NPSR1: variants seen among roughly 807,000 people sequenced by gnomAD.
NPSR1 encodes neuropeptide S receptor.
NPSR1 carries 48 observed loss-of-function variants against 46.9 expected under a neutral mutation model. The ratio of observed to expected loss-of-function variants is 1.02; its 90% CI spans 0.81 to 1.30. The LOEUF (loss-of-function observed/expected upper bound fraction) is 1.30. Ranked by LOEUF, NPSR1 falls within the 50% of genes most tolerant of loss-of-function variation. NPSR1 has a pLI of 0.00. For missense variants in NPSR1, 450 were observed against 449.5 expected (o/e 1.00, Z -0.01); for synonymous variants, 176 against 168.1 (o/e 1.05, Z -0.36).
chr7:34,678,721 G>A (rs1792458007), intron 1 of NPSR1, among the ~76,000 whole-genome samples: 1 of 151,830 alleles, frequency 6.6e-6, no homozygotes, highest in Non-Finnish European at 1.5e-5. Flanking sequence ...ATCTACTCGG[G>A]AGGCTGAGGC....
chr7:34,720,425 A>C (rs966216776), intron 2 of NPSR1, among the ~76,000 whole-genome samples: 2 of 152,190 alleles, frequency 1.3e-5, no homozygotes, highest in Admixed American at 1.3e-4. Flanking sequence ...ACCAGTCTCC[A>C]CTTTCTGGAA....
chr7:34,790,350 T>C (rs1787673535), intron 3 of NPSR1, among the ~76,000 whole-genome samples: 1 of 151,900 alleles, frequency 6.6e-6, no homozygotes, highest in African/African-American at 2.4e-5. Flanking sequence ...CTCAACAAAT[T>C]AGGTACAGAA....
chr7:34,761,811 C>T lies in NPSR1; in HGVS notation c.281-16651C>T, dbSNP rs1009041425. ...GAGTCAGTTTGAGCCCCATGTTGTG[C>T]AATGATCTTGTGCAATGATAATTAC... On this transcript the variant is annotated intron_variant, in intron 2 of 8. Coordinates refer to ENST00000360581, the MANE Select transcript of NPSR1 (RefSeq NM_207172.2). Among the ~76,000 whole-genome samples the T allele has an allele frequency of 3.3e-5, 5 of 152,304 alleles. 1 individual carries two copies. In the South Asian group the frequency reaches 1.0e-3, roughly 32 times the overall value.
intron 4 of NPSR1, among the ~76,000 whole-genome samples, chr7:34,820,663 C>A (rs1049057972): frequency 1.3e-5 from 2 of 152,100 alleles, no homozygotes; most frequent in Admixed American, 1.3e-4. Context: ...CGACATGAAC[C>A]TTCAATCAAA....
In NPSR1 at chr7:34,767,717, G is replaced by T. The variant is rs1786500528; in HGVS notation, c.281-10745G>T. 3.9e-5 allele frequency among the ~76,000 whole-genome samples: 6 copies of T among 152,202 alleles called. No individual in the cohort carries two copies. In the South Asian group the frequency reaches 1.2e-3, roughly 32 times the overall value. On this transcript the variant is annotated intron_variant, in intron 2 of 8. Transcript: ENST00000360581. ...AAAAGAAATCTCTGAATGATAGCTGGAATTCTCCAAAAATAATGAAAGCAT... is the reference window on the plus strand; with the variant it reads ...AAAAGAAATCTCTGAATGATAGCTGTAATTCTCCAAAAATAATGAAAGCAT...
In NPSR1 at chr7:34,677,218, A is replaced by C. The variant is rs10261743; in HGVS notation, c.148-7334A>C. ...CTCTACAAAGATGAAGAAGGCAGCC[A>C]TTTTCTGCCCACTGGGGACCAGAAG... On this transcript the variant is annotated intron_variant, in intron 1 of 8. Coordinates refer to ENST00000360581, the MANE Select transcript of NPSR1 (RefSeq NM_207172.2). Among the ~76,000 whole-genome samples, 637 of 152,276 alleles carry C rather than the reference A, an allele frequency of 4.2e-3. 5 individuals are homozygous for C. Among genetic ancestry groups the C allele is most frequent in the African/African-American group, 0.015 (628 of 41,560 alleles).
intron 2 of NPSR1, among the ~76,000 whole-genome samples, chr7:34,744,285 G>A (rs324400): frequency 0.4 from 61,370 of 151,808 alleles, 13,036 homozygotes; most frequent in African/African-American, 0.53. Context: ...ATCACTACAG[G>A]ATTTTTCTTA....
intron 3 of NPSR1, among the ~76,000 whole-genome samples, chr7:34,785,310 A>T (rs557353758): frequency 6.8e-6 from 1 of 146,568 alleles, no homozygotes; most frequent in African/African-American, 2.5e-5. Context: ...ATGTTATCAC[A>T]CTTAGATGGG....
At position 34,849,851 on chromosome 7, in the gene NPSR1, T is replaced by G; in HGVS notation, c.*196T>G. 7.4e-7 allele frequency: 1 copy of G among 1,343,394 alleles called. No homozygotes were observed. The allele number at this position is 1,343,394 out of a possible 1,614,324, so 83.2% of individuals were successfully genotyped here. A position where few individuals can be genotyped will look rare whatever the true frequency, so the allele number is the denominator to read the frequency against. On this transcript the variant is annotated 3_prime_UTR_variant, in exon 9 of 9. Transcript: ENST00000360581. The stretch of plus-strand genomic sequence containing the variant: ...CCAACACGAACTCCCCAGTTATTCA[T>G]GCCAGCCAGGAAGGAAACGCCTTCC...
At chr7:34,726,700 G>C (rs150374701) in intron 2 of NPSR1, among the ~76,000 whole-genome samples, 6 of 151,880 alleles carry the variant, frequency 4.0e-5, no homozygotes, top group African/African-American at 1.4e-4. Context: ...ATCAAACCAT[G>C]AAGATATGAA....
In NPSR1 at chr7:34,834,404, T is replaced by A; in HGVS notation, c.701T>A (p.Ile234Asn). ...TIISIMYGIV[I>N]RTIWIKSKTY... ...TGCAGCATCATGTATGGCATTGTGATCCGAACTATTTGGATTAAAAGCAAA... is the reference window on the plus strand; with the variant it reads ...TGCAGCATCATGTATGGCATTGTGAACCGAACTATTTGGATTAAAAGCAAA... Residue 234 changes from isoleucine (I) to asparagine (N), a missense_variant, in exon 6 of 9, where the codon ATC becomes AAC. Physicochemically the swap from Ile to Asn is moderately radical, Grantham distance 149. Transcript: ENST00000360581. 1 of 1,613,638 alleles carries A rather than the reference T, an allele frequency of 6.2e-7. No homozygotes were observed. Among genetic ancestry groups the A allele is most frequent in the Non-Finnish European group, 8.5e-7 (1 of 1,179,532 alleles).
intron 2 of NPSR1, chr7:34,750,966 T>C (rs1785490454): frequency 2.6e-6 from 2 of 763,856 alleles, no homozygotes; most frequent in East Asian, 2.6e-5. Flanking sequence ...AAGGAGACTA[T>C]AGATTGCATT....
rs1790820012 is a variant in NPSR1 at position 34,848,512 on chromosome 7, C to T, written c.874C>T (p.Leu292=). The stretch of plus-strand genomic sequence containing the variant: ...CATCTGCTGTTGGAGTCCATACTTC[C>T]TGTTTGACATTTTGGACAATTTCAA... ...AFICCWSPYF[L]FDILDNFNLL... is the part of the protein sequence containing the mutation. The change falls in exon 8 of 9, where the codon CTG becomes TTG. Residue 292 remains leucine, a synonymous_variant. Coordinates refer to ENST00000360581, the MANE Select transcript of NPSR1 (RefSeq NM_207172.2). 1 of 1,614,172 alleles carries T rather than the reference C, an allele frequency of 6.2e-7. No individual in the cohort carries two copies. The highest frequency in any genetic ancestry group is 2.2e-5 in the East Asian group (1 of 44,894).
chr7:34,785,547 A>G (rs1787428474), intron 3 of NPSR1, among the ~76,000 whole-genome samples: 1 of 152,076 alleles, frequency 6.6e-6, no homozygotes, highest in African/African-American at 2.4e-5. Context: ...AAGAAAGAAA[A>G]TATATAAAAG....
chr7:34,736,963 C>T (rs1319197709), intron 2 of NPSR1, among the ~76,000 whole-genome samples: 2 of 152,074 alleles, frequency 1.3e-5, no homozygotes, highest in Non-Finnish European at 2.9e-5. Flanking sequence ...GTATTTCATC[C>T]TACATCTCGC....
intron 2 of NPSR1, among the ~76,000 whole-genome samples, chr7:34,759,709 T>C: frequency 6.6e-6 from 1 of 152,112 alleles, no homozygotes; most frequent in East Asian, 1.9e-4. Flanking sequence ...ATATTCCCAA[T>C]CTACCACTAG....
chr7:34,696,505 A>T (rs1355988093), intron 2 of NPSR1, among the ~76,000 whole-genome samples: 2 of 152,074 alleles, frequency 1.3e-5, no homozygotes. Context: ...AATAATGAAG[A>T]TTGAATGTCC....
chr7:34,755,046 G>A (rs1000326144), intron 2 of NPSR1, among the ~76,000 whole-genome samples: 2 of 152,088 alleles, frequency 1.3e-5, no homozygotes, highest in African/African-American at 4.8e-5. Context: ...TTATTTCAGT[G>A]GTTTTTACCT....
At chr7:34,767,750 T>C (rs1033252903) in intron 2 of NPSR1, among the ~76,000 whole-genome samples, 1 of 152,104 alleles carries the variant, frequency 6.6e-6, no homozygotes, top group Non-Finnish European at 1.5e-5. Context: ...CATCAAATCA[T>C]AGATCCAAAA....
Sources: allele counts gnomAD v4.1 joint callset (sites outside exome capture counted in the v4.1 genomes callset), GRCh38; gene constraint gnomAD v4.1.1; transcripts MANE v1.5; gene names NCBI Gene and HGNC (gene_info 2026-07-23, HGNC 2026-07-21).